The following BRD1 variants were observed in gnomAD, a reference collection of about 807,000 sequenced individuals.
The protein encoded by BRD1 is bromodomain containing 1.
Under a neutral mutation model 107.7 loss-of-function variants are expected in BRD1, and 24 were observed. The ratio of observed to expected loss-of-function variants is 0.22; its 90% confidence interval spans 0.16 to 0.31. The LOEUF is 0.31. Ranked by LOEUF, BRD1 falls within the 10% of genes least tolerant of loss-of-function variation. BRD1 has a pLI of 1.00. For missense variants in BRD1, 1,279 were observed against 1,638.6 expected (o/e 0.78, Z 3.79); for synonymous variants, 744 against 686.1 (o/e 1.08, Z -1.32).
At position 49,827,502 on chromosome 22, in the gene BRD1, G is replaced by A. The variant is rs2060159424; in HGVS notation, c.-20C>T. On this transcript the variant is annotated 5_prime_UTR_variant, in exon 1 of 13. Coordinates refer to ENST00000404760, the MANE Select transcript of BRD1 (RefSeq NM_001304808.3). ...CCAGGCCCCCGCCCACTCACCTTCG[G>A]GGCGCCGCGGCCGCGGGAGCCCGGC... 1.4e-5 allele frequency: 2 copies of A among 145,162 alleles called. No individual in the cohort carries two copies. Among genetic ancestry groups the A allele is most frequent in the African/African-American group, 4.9e-5 (2 of 40,554 alleles). The allele number at this position is 145,162 out of a possible 1,614,324, so 9.0% of individuals were successfully genotyped here.
intron 3 of BRD1, 134 bp downstream of exon 3, chr22:49,804,070 G>A: frequency 1.4e-6 from 1 of 707,198 alleles, no homozygotes; most frequent in Non-Finnish European, 2.1e-6. Flanking sequence ...TCCAGGGCTG[G>A]ACGAGACGGA....
intron 2 of BRD1, among the ~76,000 whole-genome samples, chr22:49,819,932 C>G (rs2060032504): frequency 1.3e-5 from 2 of 151,858 alleles, no homozygotes; most frequent in Admixed American, 6.5e-5. Context: ...CAGTTCAAGA[C>G]CAGCCTGGCC....
At chr22:49,815,867 T>C (rs1731581127) in intron 2 of BRD1, among the ~76,000 whole-genome samples, 2 of 152,208 alleles carry the variant, frequency 1.3e-5, no homozygotes, top group Non-Finnish European at 2.9e-5. Context: ...TGGCGCTTCC[T>C]TCCCGAGTGC....
intron 2 of BRD1, among the ~76,000 whole-genome samples, chr22:49,814,434 A>G (rs538300673): frequency 6.3e-4 from 96 of 152,334 alleles, no homozygotes; most frequent in African/African-American, 2.2e-3. Context: ...GGACTCCTGC[A>G]CCAAGGCTGG....
rs2059687110 is a variant in BRD1 at position 49,803,832 on chromosome 22, G to A, written c.1524+372C>T. On this transcript the variant is annotated intron_variant, in intron 3 of 12. Transcript: ENST00000404760. The surrounding 1 kb of genome is among the most constrained non-coding windows in gnomAD (Gnocchi z 4.4). ...CACATGGCCCGGGTGTGCTCACCGG[G>A]TCCCACTCCTGCTGTCCCCAGCCCG... 6.6e-6 allele frequency among the ~76,000 whole-genome samples: 1 copy of A among 152,110 alleles called. No homozygotes were observed. The highest frequency in any genetic ancestry group is 1.5e-5 in the Non-Finnish European group (1 of 68,004).
chr22:49,786,246 AAG>A, intron 8 of BRD1, among the ~76,000 whole-genome samples: 1 of 152,332 alleles, frequency 6.6e-6, no homozygotes, highest in East Asian at 1.9e-4. Flanking sequence ...GCTTCCAGAA[AAG>A]AGTCGCTGGC....
At chr22:49,786,246 A>G (rs2059321448) in intron 8 of BRD1, among the ~76,000 whole-genome samples, 1 of 152,214 alleles carries the variant, frequency 6.6e-6, no homozygotes, top group Admixed American at 6.5e-5. Flanking sequence ...GCTTCCAGAA[A>G]AGAGTCGCTG....
chr22:49,810,233 C>A (rs1354420510), intron 2 of BRD1, among the ~76,000 whole-genome samples: 5 of 152,160 alleles, frequency 3.3e-5, no homozygotes, highest in Non-Finnish European at 7.4e-5. Context: ...TATAGGAAAA[C>A]AGTGGCCAGA....
Position 49,824,211 on chromosome 22 carries a change from G to A in BRD1, c.107C>T (p.Ala36Val), listed in dbSNP as rs967272410. 2 of 1,613,988 alleles carry A rather than the reference G, an allele frequency of 1.2e-6. No individual in the cohort carries two copies. Among genetic ancestry groups the A allele is most frequent in the African/African-American group, 1.3e-5 (1 of 75,040 alleles). ...AATTTCTATCTCTACCATCCTTTGA[G>A]CTTGAGCGTAGGTCAGCGTTTCTCG... ...PTRETLTYAQ[A>V]QRMVEIEIEG... Residue 36 changes from alanine (A) to valine (V), a missense_variant, in exon 2 of 13, where the codon GCT (alanine) becomes GTT (valine). Physicochemically the swap from Ala to Val is moderately conservative, Grantham distance 64. Coordinates refer to ENST00000404760, the MANE Select transcript of BRD1 (RefSeq NM_001304808.3). The surrounding 1 kb of genome is among the most constrained non-coding windows in gnomAD (Gnocchi z 5.9).
chr22:49,779,934 C>T (rs969703785), intron 8 of BRD1, among the ~76,000 whole-genome samples: 2 of 152,054 alleles, frequency 1.3e-5, no homozygotes, highest in Non-Finnish European at 2.9e-5. Context: ...AGAGCAGCCA[C>T]GAGCCTGGCG....
rs2059243934 is a variant in BRD1 at position 49,783,035 on chromosome 22, C to T, written c.2857+4355G>A. Among the ~76,000 whole-genome samples, 2 of 150,528 alleles carry T rather than the reference C, an allele frequency of 1.3e-5. No homozygotes were observed. Among genetic ancestry groups the T allele is most frequent in the Admixed American group, 6.6e-5 (1 of 15,112 alleles). ...GGACGGTCAGAGACAGACCCAAGGCCCATCGTGCTGGGACTCGCTCCGTGA... is the reference window on the plus strand; with the variant it reads ...GGACGGTCAGAGACAGACCCAAGGCTCATCGTGCTGGGACTCGCTCCGTGA... On this transcript the variant is annotated intron_variant, in intron 8 of 12. Transcript: ENST00000404760. This position sits in a 1 kb window ranked among gnomAD's most constrained non-coding sequence, Gnocchi z 4.2.
intron 7 of BRD1, among the ~76,000 whole-genome samples, chr22:49,790,278 C>A (rs1260206997): frequency 1.3e-5 from 2 of 152,204 alleles, no homozygotes; most frequent in East Asian, 3.8e-4. Flanking sequence ...CTCCACGACA[C>A]AACAGGCAAG....
chr22:49,816,017 C>T (rs1022108521), intron 2 of BRD1, among the ~76,000 whole-genome samples: 21 of 151,798 alleles, frequency 1.4e-4, no homozygotes, highest in Non-Finnish European at 1.5e-5. Context: ...CACAGGGCCT[C>T]CCGGTGCCAC....
At position 49,794,045 on chromosome 22, in the gene BRD1, G is replaced by A. The variant is rs758328445; in HGVS notation, c.2348C>T (p.Ala783Val). Reference sequence around the variant, plus strand: ...TCACCGTGGCTTACCTTCCTCGCCCGCCTCCGGCCCCAGCGCAGCTCCGTC... The same window carrying A: ...TCACCGTGGCTTACCTTCCTCGCCCACCTCCGGCCCCAGCGCAGCTCCGTC... The part of the protein sequence containing the change: ...EEDGAALGPE[A>V]GEEGDKSPPK... Residue 783 changes from alanine to valine, a missense_variant, in exon 7 of 13, where the codon GCG (alanine) becomes GTG (valine). Around this residue, in one of 7 missense-constraint regions of BRD1, gnomAD observed 406 missense variants for 519.4 expected, o/e 0.78. Coordinates refer to ENST00000404760, the MANE Select transcript of BRD1 (RefSeq NM_001304808.3). The A allele has an allele frequency of 2.1e-5, 34 of 1,611,374 alleles. No homozygotes were observed. The highest frequency in any genetic ancestry group is 1.8e-4 in the South Asian group (16 of 91,000).
chr22:49,804,060 TC>T, intron 3 of BRD1, 143 bp downstream of exon 3: 1 of 637,936 alleles, frequency 1.6e-6, no homozygotes, highest in Non-Finnish European at 2.5e-6. Flanking sequence ...CTCCTACAGC[TC>T]CAGGGCTGGA....
chr22:49,809,548 AAT>A (rs113075185), intron 2 of BRD1, among the ~76,000 whole-genome samples: 18 of 147,786 alleles, frequency 1.2e-4, no homozygotes, highest in East Asian at 2.0e-4. Context: ...CTCCAAAAAA[AAT>A]ATATATATAT....
In BRD1 at chr22:49,827,488, C is replaced by T. The variant is rs1385736388; in HGVS notation, c.-15+9G>A. The T allele has an allele frequency of 6.9e-6, 1 of 145,054 alleles. No individual in the cohort carries two copies. The highest frequency in any genetic ancestry group is 6.8e-5 in the Admixed American group (1 of 14,694). 9.0% of individuals were successfully genotyped at this position (145,054 alleles called of 1,614,324 possible). A position where few individuals can be genotyped will look rare whatever the true frequency, so the allele number is the denominator to read the frequency against. ...GGAGGCCTCCCCGGCCAGGCCCCCG[C>T]CCACTCACCTTCGGGGCGCCGCGGC... On this transcript the variant is annotated intron_variant, in intron 1 of 12. Transcript: ENST00000404760.
chr22:49,815,241 A>C (rs1043281797), intron 2 of BRD1, among the ~76,000 whole-genome samples: 7 of 152,192 alleles, frequency 4.6e-5, no homozygotes, highest in Non-Finnish European at 1.5e-5. Context: ...CAGCTTTTTC[A>C]ATTAAAACAA....
rs1477854420 is a variant in BRD1 at position 49,774,108 on chromosome 22, C to G, written c.*125G>C. 1.5e-6 allele frequency: 2 copies of G among 1,322,096 alleles called. No homozygotes were observed. The highest frequency in any genetic ancestry group is 1.5e-5 in the African/African-American group (1 of 66,712). 81.9% of individuals were successfully genotyped at this position (1,322,096 alleles called of 1,614,324 possible). A position where few individuals can be genotyped will look rare whatever the true frequency, so the allele number is the denominator to read the frequency against. On this transcript the variant is annotated 3_prime_UTR_variant, in exon 13 of 13. Coordinates refer to ENST00000404760, the MANE Select transcript of BRD1 (RefSeq NM_001304808.3). The stretch of plus-strand genomic sequence containing the variant: ...GAAAACTTGGAAATAAAACCTCCCC[C>G]CTCCCCGGGGAAAAAGAATTAAAGA...
Sources: gnomAD v4.1 joint callset for allele counts (sites outside exome capture counted in the v4.1 genomes callset) on GRCh38, gnomAD v4.1.1 for gene constraint, gnomAD v4.1.1 regional missense constraint, Gnocchi (gnomAD v3.1) non-coding constraint, MANE v1.5 for transcripts, NCBI Gene and HGNC (gene_info 2026-07-23, HGNC 2026-07-21) for gene names.